EMC1: variants seen among roughly 807,000 people sequenced by gnomAD.
EMC1 encodes the protein ER membrane protein complex subunit 1.
In EMC1, 103 loss-of-function variants were observed where a neutral mutation model predicts 128.8. The ratio of observed to expected loss-of-function variants is 0.80; its 90% CI spans 0.68 to 0.94. The LOEUF (loss-of-function observed/expected upper bound fraction) is 0.94. Ranked by LOEUF, EMC1 falls within the 40% of genes least tolerant of loss-of-function variation. The pLI is 0.00. For synonymous variants in EMC1, 442 were observed against 490.4 expected, an observed-to-expected ratio of 0.90 and a Z score of 1.30; for missense variants, 1,083 against 1,250.6, an observed-to-expected ratio of 0.87 and a Z score of 2.02.
At chr1:19,234,588 T>A (rs1397453305) in intron 13 of EMC1, among the ~76,000 whole-genome samples, 1 of 152,214 alleles carries the variant, frequency 6.6e-6, no homozygotes, top group African/African-American at 2.4e-5. Context: ...AGCTCACGCC[T>A]GTAATCCCCA....
intron 17 of EMC1, chr1:19,229,496 G>C (rs1558098091): frequency 6.6e-6 from 1 of 152,170 alleles, no homozygotes; most frequent in East Asian, 1.9e-4. Flanking sequence ...TGTTCACTCA[G>C]ATGATGTCCT....
Position 19,242,340 on chromosome 1 carries a change from C to T in EMC1, c.509+5G>A. ...CAGCTATTGCCTGTGAGCAGGCAGC[C>T]TTACCTTTCTGGGAGATGTTCCACC... is the stretch of plus-strand genomic sequence containing the variant. On this transcript the variant is annotated splice_donor_5th_base_variant and intron_variant, in intron 5 of 22. Transcript: ENST00000477853. 6.2e-7 allele frequency: 1 copy of T among 1,614,196 alleles called. No homozygotes were observed. The highest frequency in any genetic ancestry group is 1.3e-5 in the African/African-American group (1 of 75,060).
At position 19,238,775 on chromosome 1, in the gene EMC1, T is replaced by C. The variant is rs1279366618; in HGVS notation, c.1089+20A>G. The C allele has an allele frequency of 1.3e-6, 2 of 1,577,336 alleles. No homozygotes were observed. The highest frequency in any genetic ancestry group is 1.7e-6 in the Non-Finnish European group (2 of 1,147,316). ...TCCTGCGTCTCTAGGTCTGGCATACTGCCCAGTGCCACACCATACCTTTGA... is the reference window on the plus strand; with the variant it reads ...TCCTGCGTCTCTAGGTCTGGCATACCGCCCAGTGCCACACCATACCTTTGA... On this transcript the variant is annotated intron_variant, in intron 10 of 22. Coordinates refer to ENST00000477853, the MANE Select transcript of EMC1 (RefSeq NM_015047.3).
chr1:19,251,496 C>A lies in EMC1; in HGVS notation c.14G>T (p.Trp5Leu). The change falls in exon 1 of 23, where the codon TGG (tryptophan) becomes TTG (leucine). Residue 5 changes from tryptophan (W) to leucine (L), a missense_variant. By Grantham distance (61) the Trp-to-Leu change is moderately conservative. Transcript: ENST00000477853. MAAE[W>L]ASRFWLWATL... ...AGCCCAAAGCCAGAAACGAGAAGCCCACTCAGCCGCCATGATGCGAGCGCA... is the reference window on the plus strand; with the variant it reads ...AGCCCAAAGCCAGAAACGAGAAGCCAACTCAGCCGCCATGATGCGAGCGCA... 6.2e-7 allele frequency: 1 copy of A among 1,614,138 alleles called. No homozygotes were observed. The highest frequency in any genetic ancestry group is 2.2e-5 in the East Asian group (1 of 44,890).
intron 1 of EMC1, among the ~76,000 whole-genome samples, chr1:19,250,267 TC>T (rs989548432): frequency 1.4e-5 from 2 of 142,976 alleles, no homozygotes; most frequent in African/African-American, 2.6e-5. Flanking sequence ...AGAGTCCTTT[TC>T]CCCCCTCATC....
Position 19,245,623 on chromosome 1 carries a change from C to CTTTTT in EMC1, c.96-594_96-593insAAAAA, listed in dbSNP as rs1458650826. On this transcript the variant is annotated intron_variant, in intron 1 of 22. Coordinates refer to ENST00000477853, the MANE Select transcript of EMC1 (RefSeq NM_015047.3). Reference sequence around the variant, plus strand: ...AGTGACACCCAAAAGGGCACCTTACCTTTCTTTTTTTTTTTTTTGAGACGA... The same window carrying CTTTTT: ...AGTGACACCCAAAAGGGCACCTTACCTTTTTTTTCTTTTTTTTTTTTTTGAGACGA... Among the ~76,000 whole-genome samples, 138 of 97,308 alleles carry CTTTTT rather than the reference C, an allele frequency of 1.4e-3. 3 individuals are homozygous for CTTTTT. The highest frequency in any genetic ancestry group is 0.013 in the South Asian group (39 of 3,058). 63.8% of individuals were successfully genotyped at this position (97,308 alleles called of 152,430 possible).
At chr1:19,243,442 G>A (rs1011519064) in intron 4 of EMC1, among the ~76,000 whole-genome samples, 172 bp downstream of exon 4, 26 of 152,242 alleles carry the variant, frequency 1.7e-4, no homozygotes, top group African/African-American at 6.3e-4. Flanking sequence ...TCTAACAGGC[G>A]CTCAATACAT....
At chr1:19,240,553 A>T in intron 6 of EMC1, 107 bp from the exon 7 acceptor site, 1 of 1,286,252 alleles carries the variant, frequency 7.8e-7, no homozygotes, top group African/African-American at 1.5e-5. Context: ...TCCTAAGCTC[A>T]AAGGTTCTTC....
At chr1:19,241,169 C>G (rs1208621657) in intron 5 of EMC1, 27 bp from the exon 6 acceptor site, 10 of 1,613,368 alleles carry the variant, frequency 6.2e-6, no homozygotes, top group Non-Finnish European at 7.6e-6. Context: ...GAAACCGCAG[C>G]GTCAGCTTTC....
chr1:19,233,926 C>T (rs1158325276), intron 13 of EMC1, among the ~76,000 whole-genome samples: 14 of 152,146 alleles, frequency 9.2e-5, no homozygotes, highest in Admixed American at 9.2e-4. Flanking sequence ...AAGGATTTAG[C>T]GTGGTGGCTG....
intron 1 of EMC1, among the ~76,000 whole-genome samples, chr1:19,249,186 T>G (rs2093645503): frequency 6.6e-6 from 1 of 152,152 alleles, no homozygotes; most frequent in Non-Finnish European, 1.5e-5. Flanking sequence ...TTTTATAAAT[T>G]TAGTATAGTC....
At chr1:19,230,699 A>T in intron 17 of EMC1, 145 bp downstream of exon 17, 1 of 1,143,092 alleles carries the variant, frequency 8.7e-7, no homozygotes, top group Non-Finnish European at 1.2e-6. Flanking sequence ...AAATATGAAC[A>T]AATGATTGAC....
intron 18 of EMC1, among the ~76,000 whole-genome samples, chr1:19,224,117 G>A (rs1401085916): frequency 6.6e-6 from 1 of 152,092 alleles, no homozygotes; most frequent in Non-Finnish European, 1.5e-5. Context: ...CTACTTTACT[G>A]GCCTCTCCTT....
intron 5 of EMC1, 122 bp from the exon 6 acceptor site, chr1:19,241,264 C>T (rs2093603831): frequency 8.5e-7 from 1 of 1,172,046 alleles, no homozygotes; most frequent in Non-Finnish European, 1.2e-6. Context: ...TTTTGTTTGG[C>T]TCACACAGTT....
chr1:19,218,267 C>G lies in EMC1; in HGVS notation c.*1036G>C, dbSNP rs1393572008. ...TTGTAGCAGAGACACAGTGGCCTAG[C>G]CAATCGGCAGTGCTATACACACAGT... On this transcript the variant is annotated 3_prime_UTR_variant, in exon 23 of 23. Transcript: ENST00000477853. The G allele has an allele frequency of 6.6e-6, 1 of 152,214 alleles. No homozygotes were observed. The highest frequency in any genetic ancestry group is 1.5e-5 in the Non-Finnish European group (1 of 68,044). The allele number at this position is 152,214 out of a possible 1,614,324, so 9.4% of individuals were successfully genotyped here.
At chr1:19,249,453 C>T (rs1195450626) in intron 1 of EMC1, among the ~76,000 whole-genome samples, 1 of 152,102 alleles carries the variant, frequency 6.6e-6, no homozygotes, top group Non-Finnish European at 1.5e-5. Flanking sequence ...AGTAACATGC[C>T]GTACAGGTTT....
chr1:19,220,046 G>T (rs975992317), intron 21 of EMC1: 1 of 245,860 alleles, frequency 4.1e-6, no homozygotes, highest in African/African-American at 2.2e-5. Context: ...ACTCCAGGGT[G>T]CCTCTCAGTC....
At chr1:19,224,115 C>G (rs943906500) in intron 18 of EMC1, among the ~76,000 whole-genome samples, 1 of 152,212 alleles carries the variant, frequency 6.6e-6, no homozygotes, top group African/African-American at 2.4e-5. Context: ...TTCTACTTTA[C>G]TGGCCTCTCC....
rs77694629 is a variant in EMC1 at position 19,237,119 on chromosome 1, T to C, written c.1309+23A>G. ...TGGAAGGCCTGGGGAAATAAAAAAA[T>C]GGGTTGAATGAGGTCTACTTACCCA... On this transcript the variant is annotated intron_variant, in intron 12 of 22. Transcript: ENST00000477853. The C allele has an allele frequency of 3.2e-6, 5 of 1,558,028 alleles. No individual in the cohort carries two copies. The Admixed American group carries it at 5.0e-5, about 16-fold the overall frequency.
Sources: allele counts gnomAD v4.1 joint callset (sites outside exome capture counted in the v4.1 genomes callset), GRCh38; gene constraint gnomAD v4.1.1; transcripts MANE v1.5; gene names NCBI Gene and HGNC (gene_info 2026-07-23, HGNC 2026-07-21).